RPS6KA2: variants seen among roughly 807,000 people sequenced by gnomAD.
The protein encoded by RPS6KA2 is ribosomal protein S6 kinase alpha-2.
A neutral mutation model predicts 91.8 loss-of-function variants in RPS6KA2; 42 were observed. The ratio of observed to expected loss-of-function variants is 0.46; its 90% CI spans 0.36 to 0.59. The LOEUF is 0.59. RPS6KA2 is among the 20% of genes least tolerant of loss of function. RPS6KA2 has a pLI of 0.00. For missense variants in RPS6KA2, 798 were observed against 978.5 expected (o/e 0.82, Z 2.46); for synonymous variants, 414 against 393.6 (o/e 1.05, Z -0.61).
chr6:166,711,957 A>T (rs983417840), intron 2 of RPS6KA2, among the ~76,000 whole-genome samples: 1 of 152,212 alleles, frequency 6.6e-6, no homozygotes, highest in Non-Finnish European at 1.5e-5. Flanking sequence ...TTCATATATT[A>T]CCAGTATCAG....
At chr6:166,539,018 C>T (rs933105789) in intron 1 of RPS6KA2, among the ~76,000 whole-genome samples, 3 of 152,116 alleles carry the variant, frequency 2.0e-5, no homozygotes, top group Non-Finnish European at 4.4e-5. Context: ...TCACTGCAAC[C>T]TCCACCTCCC....
intron 2 of RPS6KA2, among the ~76,000 whole-genome samples, chr6:166,632,909 C>T (rs1393122479): frequency 1.3e-5 from 2 of 152,092 alleles, no homozygotes; most frequent in Non-Finnish European, 2.9e-5. Context: ...AACGTGGACT[C>T]AACATGGGCG....
chr6:166,799,563 T>C (rs1017390332), intron 2 of RPS6KA2, among the ~76,000 whole-genome samples: 16 of 150,126 alleles, frequency 1.1e-4, no homozygotes, highest in Non-Finnish European at 2.4e-4. Context: ...ACAAAAAAAA[T>C]TGCATGCTCA....
At chr6:166,862,333 G>A in exon 1 of RPS6KA2, 4 of 1,477,760 alleles carry the variant, frequency 2.7e-6, no homozygotes, top group African/African-American at 1.4e-5. Flanking sequence ...GCTCCCAGAG[G>A]AGGTCGTGAG....
chr6:166,593,262 G>T (rs1039019742), intron 1 of RPS6KA2, among the ~76,000 whole-genome samples: 8 of 151,936 alleles, frequency 5.3e-5, no homozygotes, highest in African/African-American at 1.9e-4. Context: ...AAACAGAACA[G>T]AATACAACAG....
intron 2 of RPS6KA2, among the ~76,000 whole-genome samples, chr6:166,660,293 T>A (rs1397718107): frequency 6.6e-6 from 1 of 152,144 alleles, no homozygotes; most frequent in Non-Finnish European, 1.5e-5. Context: ...CTGCCTCCTG[T>A]ATCTCATTGT....
intron 2 of RPS6KA2, among the ~76,000 whole-genome samples, chr6:166,741,148 T>C (rs1232331375): frequency 1.3e-5 from 2 of 152,162 alleles, no homozygotes; most frequent in East Asian, 1.9e-4. Flanking sequence ...ACAGTATAAT[T>C]CCATTGATGA....
chr6:166,625,145 T>A (rs960971917), intron 1 of RPS6KA2, among the ~76,000 whole-genome samples: 1 of 152,152 alleles, frequency 6.6e-6, no homozygotes, highest in Admixed American at 6.5e-5. Flanking sequence ...ATTGACCATC[T>A]TAGTGAGACC....
chr6:166,689,568 T>C (rs1393616465), intron 2 of RPS6KA2, among the ~76,000 whole-genome samples: 1 of 152,144 alleles, frequency 6.6e-6, no homozygotes, highest in East Asian at 1.9e-4. Flanking sequence ...CCCCACTGGA[T>C]TCGTAGGTGT....
chr6:166,716,804 C>T (rs1790026779), intron 2 of RPS6KA2, among the ~76,000 whole-genome samples: 1 of 152,134 alleles, frequency 6.6e-6, no homozygotes, highest in African/African-American at 2.4e-5. Context: ...TCATTTATGC[C>T]ATCTTTTGAT....
intron 2 of RPS6KA2, among the ~76,000 whole-genome samples, chr6:166,695,692 C>A (rs1339092748): frequency 1.3e-5 from 2 of 150,818 alleles, no homozygotes; most frequent in Admixed American, 6.6e-5. Context: ...CTGGATTCTC[C>A]TAGGAGCACT....
At chr6:166,820,807 T>A (rs1404052446) in intron 2 of RPS6KA2, among the ~76,000 whole-genome samples, 1 of 152,234 alleles carries the variant, frequency 6.6e-6, no homozygotes, top group Admixed American at 6.5e-5. Context: ...ATTGCCTCCT[T>A]AACAAAAAGT....
chr6:166,763,265 A>T (rs1282959439), intron 2 of RPS6KA2, among the ~76,000 whole-genome samples: 1 of 152,256 alleles, frequency 6.6e-6, no homozygotes, highest in African/African-American at 2.4e-5. Flanking sequence ...GGGTTACATT[A>T]AGAAAATGGA....
chr6:166,473,449 C>T (rs1025310496), intron 10 of RPS6KA2, among the ~76,000 whole-genome samples: 16 of 152,196 alleles, frequency 1.1e-4, no homozygotes, highest in Admixed American at 2.0e-4. Context: ...GCCTGGGTCT[C>T]CCAAAGTGCT....
At chr6:166,649,896 G>C (rs1787794948) in intron 2 of RPS6KA2, among the ~76,000 whole-genome samples, 1 of 152,192 alleles carries the variant, frequency 6.6e-6, no homozygotes, top group African/African-American at 2.4e-5. Context: ...AGGTTTAAAG[G>C]CTCGCCAGCA....
intron 7 of RPS6KA2, among the ~76,000 whole-genome samples, chr6:166,498,985 G>A (rs1393953665): frequency 6.6e-6 from 1 of 152,222 alleles, no homozygotes; most frequent in Admixed American, 6.5e-5. Context: ...TGGAGGTGGG[G>A]TGTTGCAGGG....
intron 16 of RPS6KA2, among the ~76,000 whole-genome samples, chr6:166,424,479 A>G (rs1374577469): frequency 6.6e-6 from 1 of 152,222 alleles, no homozygotes; most frequent in East Asian, 1.9e-4. Context: ...CAGGAGAAAC[A>G]CTGGGAAGAG....
At chr6:166,691,602 C>A (rs1213730200) in intron 2 of RPS6KA2, among the ~76,000 whole-genome samples, 1 of 152,118 alleles carries the variant, frequency 6.6e-6, no homozygotes, top group Non-Finnish European at 1.5e-5. Flanking sequence ...GGAGCTCCGA[C>A]CCTCTCCGTG....
At chr6:166,585,408 AATTTTCAC>A (rs1785136346) in intron 1 of RPS6KA2, among the ~76,000 whole-genome samples, 1 of 151,830 alleles carries the variant, frequency 6.6e-6, no homozygotes, top group Non-Finnish European at 1.5e-5. Context: ...TACAGAACCT[AATTTTCAC>A]ATTTACTTAT....
Sources: gnomAD v4.1 joint callset for allele counts (sites outside exome capture counted in the v4.1 genomes callset) on GRCh38, gnomAD v4.1.1 for gene constraint, MANE v1.5 for transcripts, NCBI Gene and HGNC (gene_info 2026-07-23, HGNC 2026-07-21) for gene names.